The following ENKUR variants were observed in gnomAD, a reference collection of about 807,000 sequenced individuals.
ENKUR encodes enkurin, TRPC channel interacting protein.
A neutral mutation model predicts 27.6 loss-of-function variants in ENKUR; 19 were observed. That is an observed-to-expected ratio of 0.69 (90% CI 0.48 to 1.01). The LOEUF is 1.01. Among genes scored for constraint, ENKUR ranks in the 50% least tolerant of loss-of-function variants. The pLI is 0.00. For synonymous variants in ENKUR, 117 were observed against 96.9 expected (o/e 1.21, Z -1.22); for missense variants, 312 against 310.5 (o/e 1.00, Z -0.04).
At chr10:25,034,157 A>G (rs1456928534) in intron 2 of ENKUR, among the ~76,000 whole-genome samples, 1 of 152,000 alleles carries the variant, frequency 6.6e-6, no homozygotes, top group African/African-American at 2.4e-5. Context: ...CGTATTATTT[A>G]TTTTTATTTG....
intron 2 of ENKUR, among the ~76,000 whole-genome samples, chr10:25,032,333 G>A (rs537317089): frequency 4.6e-5 from 7 of 151,536 alleles, no homozygotes; most frequent in South Asian, 2.1e-4. Context: ...GGCTATGATC[G>A]TTACCATTCA....
chr10:25,061,476 C>T (rs542951011), intron 1 of ENKUR: 54 of 268,310 alleles, frequency 2.0e-4, no homozygotes, highest in African/African-American at 1.1e-3. Context: ...TGTTCTCCCC[C>T]GCCACCACCA....
chr10:25,019,532 A>T (rs976146958), upstream of ENKUR, among the ~76,000 whole-genome samples: 1 of 152,224 alleles, frequency 6.6e-6, no homozygotes, highest in East Asian at 1.9e-4. Flanking sequence ...ACAAAAAAGC[A>T]AATTAGTACA....
intron 4 of ENKUR, among the ~76,000 whole-genome samples, chr10:24,988,712 A>ATGTG (rs1394983255): frequency 4.5e-5 from 1 of 22,186 alleles, no homozygotes; most frequent in African/African-American, 2.4e-4. Context: ...ATATATATAT[A>ATGTG]TATATATATA....
intron 1 of ENKUR, among the ~76,000 whole-genome samples, chr10:25,003,857 T>G (rs1332532708): frequency 6.6e-6 from 1 of 152,146 alleles, no homozygotes; most frequent in African/African-American, 2.4e-5. Flanking sequence ...CCCCAGGGTG[T>G]GTTGTTCCCC....
At chr10:25,048,912 A>T (rs1026754265) in intron 2 of ENKUR, among the ~76,000 whole-genome samples, 1 of 151,684 alleles carries the variant, frequency 6.6e-6, no homozygotes, top group African/African-American at 2.4e-5. Context: ...GTCCAATGTT[A>T]TGGGGAAAAG....
chr10:25,061,050 G>A, intron 2 of ENKUR: 1 of 1,455,238 alleles, frequency 6.9e-7, no homozygotes, highest in East Asian at 2.5e-5. Flanking sequence ...ATATCTCTAA[G>A]GCCCCCTATT....
In ENKUR at chr10:25,034,466, C is replaced by T. The variant is rs188853087; in HGVS notation, c.37+26646G>A. Among the ~76,000 whole-genome samples, 59 of 152,088 alleles carry T rather than the reference C, an allele frequency of 3.9e-4. 1 individual carries two copies. Among genetic ancestry groups the T allele is most frequent in the Non-Finnish European group, 7.9e-4 (54 of 68,012 alleles). The stretch of plus-strand genomic sequence containing the variant: ...GGCCTAATCTGAATGATTCCGTTTC[C>T]CAATTTGACAAAATTTAAGATTATC... On this transcript the variant is annotated intron_variant, in intron 2 of 5. Transcript: ENST00000615958.
At chr10:25,050,321 A>G (rs897837185) in intron 2 of ENKUR, among the ~76,000 whole-genome samples, 2 of 152,200 alleles carry the variant, frequency 1.3e-5, no homozygotes, top group Non-Finnish European at 2.9e-5. Context: ...GCTAATAAAG[A>G]CATACGTAAG....
Position 24,995,763 on chromosome 10 carries a change from T to C in ENKUR, c.330A>G (p.Ala110=). ...QSGKNFINTN[A]ADIIMGVAKK... is the part of the protein sequence containing the mutation. ...TAGCCACTCCCATGATGATATCAGCTGCATTTGTATTTATAAAATTTTTTC... is the reference window on the plus strand; with the variant it reads ...TAGCCACTCCCATGATGATATCAGCCGCATTTGTATTTATAAAATTTTTTC... Residue 110 remains alanine, a synonymous_variant, in exon 3 of 6, where the codon GCA becomes GCG. Coordinates refer to ENST00000331161, the MANE Select transcript of ENKUR (RefSeq NM_145010.4). The C allele has an allele frequency of 1.2e-6, 2 of 1,614,032 alleles. No homozygotes were observed. The highest frequency in any genetic ancestry group is 1.7e-6 in the Non-Finnish European group (2 of 1,179,974).
intron 2 of ENKUR, among the ~76,000 whole-genome samples, chr10:25,028,107 G>C (rs1850890123): frequency 6.6e-6 from 1 of 152,154 alleles, no homozygotes; most frequent in Admixed American, 6.5e-5. Context: ...AGATTTTCTA[G>C]GTGAAAAGGA....
chr10:25,001,600 G>A (rs1178741017), intron 1 of ENKUR, among the ~76,000 whole-genome samples: 1 of 151,636 alleles, frequency 6.6e-6, no homozygotes. Flanking sequence ...TTCTATTACT[G>A]TGTCTTCAAA....
intron 1 of ENKUR, among the ~76,000 whole-genome samples, chr10:25,010,473 TAG>T (rs1310442512): frequency 1.3e-5 from 2 of 152,160 alleles, no homozygotes; most frequent in East Asian, 3.9e-4. Context: ...CTTTAAGTTT[TAG>T]GGTACATGTG....
chr10:24,998,212 T>C (rs1477401865), intron 2 of ENKUR, among the ~76,000 whole-genome samples: 1 of 152,174 alleles, frequency 6.6e-6, no homozygotes, highest in Admixed American at 6.5e-5. Context: ...AGATGTTGCA[T>C]TATTTCCTCA....
intron 4 of ENKUR, among the ~76,000 whole-genome samples, chr10:24,988,051 T>C (rs944143690): frequency 2.0e-5 from 3 of 151,582 alleles, no homozygotes; most frequent in Admixed American, 2.0e-4. Flanking sequence ...CGAAACCCCA[T>C]CTTTACTAAA....
intron 2 of ENKUR, among the ~76,000 whole-genome samples, chr10:25,059,776 A>T (rs114344601): frequency 0.023 from 3,516 of 152,168 alleles, 154 homozygotes; most frequent in African/African-American, 0.081. Flanking sequence ...ATGAGCTATG[A>T]TAGTGCCACT....
chr10:25,007,318 T>G (rs925752211), intron 1 of ENKUR, among the ~76,000 whole-genome samples: 1 of 152,230 alleles, frequency 6.6e-6, no homozygotes, highest in Non-Finnish European at 1.5e-5. Context: ...TAAGGAGTAT[T>G]GTTGTCATAT....
intron 1 of ENKUR, among the ~76,000 whole-genome samples, chr10:25,004,423 A>G (rs1405918383): frequency 1.3e-5 from 2 of 152,054 alleles, no homozygotes; most frequent in Non-Finnish European, 2.9e-5. Flanking sequence ...TTTTCTCCAC[A>G]ACCTCACCAG....
intron 4 of ENKUR, among the ~76,000 whole-genome samples, chr10:24,988,777 G>C (rs1234783636): frequency 6.8e-6 from 1 of 146,968 alleles, no homozygotes; most frequent in Non-Finnish European, 1.5e-5. Context: ...AGATGATCCT[G>C]TCCAGGTATA....
Sources: allele counts gnomAD v4.1 joint callset (sites outside exome capture counted in the v4.1 genomes callset), GRCh38; gene constraint gnomAD v4.1.1; transcripts MANE v1.5; gene names NCBI Gene and HGNC (gene_info 2026-07-23, HGNC 2026-07-21).